Variants in OTUD7A observed in about 807,000 individuals in gnomAD.
OTUD7A encodes OTU domain-containing protein 7A.
OTUD7A carries 12 observed loss-of-function variants against 65.7 expected under a neutral mutation model. The observed-to-expected ratio is 0.18, with a 90% CI of 0.12 to 0.30. OTUD7A has a LOEUF of 0.30. Ranked by LOEUF, OTUD7A falls within the 10% of genes least tolerant of loss-of-function variation. The probability of loss-of-function intolerance (pLI) is 1.00; values close to 1 mark genes in which losing one functional copy is unlikely to be tolerated. For synonymous variants in OTUD7A, 641 were observed against 586.3 expected (o/e 1.09, Z -1.35); for missense variants, 1,148 against 1,304.8 (o/e 0.88, Z 1.85).
At position 31,483,333 on chromosome 15, in the gene OTUD7A, C is replaced by G; in HGVS notation, c.2763G>C (p.Glu921Asp). ...EHYCSYCYRE[E>D]LRRRREARGA... is the part of the protein sequence containing the mutation. The stretch of plus-strand genomic sequence containing the variant: ...CGCGCGCCTCGCGCCGCCGCCGCAG[C>G]TCCTCGCGGTAGCAGTAGGAGCAGT... The change falls in exon 13 of 13, where the codon GAG (glutamate) becomes GAC (aspartate). Residue 921 changes from glutamate to aspartate, a missense_variant. Physicochemically the swap from Glu to Asp is conservative, Grantham distance 45 (BLOSUM62 2). Around this residue, in one of 6 missense-constraint regions of OTUD7A, gnomAD observed 842 missense variants for 769.5 expected, o/e 1.09. Transcript: ENST00000307050. 1 of 1,227,914 alleles carries G rather than the reference C, an allele frequency of 8.1e-7. No individual in the cohort carries two copies. Among genetic ancestry groups the G allele is most frequent in the Non-Finnish European group, 1.0e-6 (1 of 980,366 alleles). The allele number at this position is 1,227,914 out of a possible 1,614,324, so 76.1% of individuals were successfully genotyped here. A position where few individuals can be genotyped will look rare whatever the true frequency, so the allele number is the denominator to read the frequency against.
chr15:31,503,725 C>T lies in OTUD7A; in HGVS notation c.987G>A (p.Val329=), dbSNP rs1043925274. The T allele has an allele frequency of 2.5e-6, 4 of 1,614,054 alleles. No homozygotes were observed. The African/African-American group carries it at 5.3e-5, about 22-fold the overall frequency. The change falls in exon 9 of 13, where the codon GTG becomes GTA. Residue 329 remains valine (V), a synonymous_variant. Coordinates refer to ENST00000307050, the MANE Select transcript of OTUD7A (RefSeq NM_001382637.1). ...CTGAGTCTCTTAACATTGTATCTGCCACAACAACGATGGGCCTTCTTAATA... is the reference window on the plus strand; with the variant it reads ...CTGAGTCTCTTAACATTGTATCTGCTACAACAACGATGGGCCTTCTTAATA... ...AHILRRPIVV[V]ADTMLRDSGG...
chr15:31,507,835 T>C (rs2141090678), intron 8 of OTUD7A, among the ~76,000 whole-genome samples: 1 of 152,338 alleles, frequency 6.6e-6, no homozygotes, highest in African/African-American at 2.4e-5. Flanking sequence ...TTTACAATCC[T>C]CTTGTAAGAC....
chr15:31,823,066 A>G (rs1353752886), intron 1 of OTUD7A, among the ~76,000 whole-genome samples: 1 of 152,252 alleles, frequency 6.6e-6, no homozygotes, highest in Non-Finnish European at 1.5e-5. Flanking sequence ...CTACATGCTG[A>G]AAACTTTGTC....
At chr15:31,555,850 CTTTTTT>C (rs371140342) in intron 5 of OTUD7A, 2 of 95,344 alleles carry the variant, frequency 2.1e-5, no homozygotes, top group African/African-American at 7.5e-5. Context: ...TGTTCTTTTT[CTTTTTT>C]TTTTTTTTGA....
Position 31,484,805 on chromosome 15 carries a change from C to T in OTUD7A, c.1372-81G>A, listed in dbSNP as rs2041211783. 4.0e-6 allele frequency: 6 copies of T among 1,512,824 alleles called. No individual in the cohort carries two copies. The Admixed American group carries it at 1.0e-4, about 25-fold the overall frequency. 93.7% of individuals were successfully genotyped at this position (1,512,824 alleles called of 1,614,324 possible). On this transcript the variant is annotated intron_variant, in intron 12 of 12. Coordinates refer to ENST00000307050, the MANE Select transcript of OTUD7A (RefSeq NM_001382637.1). This position sits in a 1 kb window ranked among gnomAD's most constrained non-coding sequence, Gnocchi z 4.5. ...CCAGCGAGGAAGACACACCTTGCCC[C>T]TGTGTTGCCGAGGCTAGGGCCCTGG... is the stretch of plus-strand genomic sequence containing the variant.
chr15:31,640,020 C>T (rs962982166), intron 3 of OTUD7A, among the ~76,000 whole-genome samples: 2 of 152,114 alleles, frequency 1.3e-5, no homozygotes, highest in African/African-American at 4.8e-5. Flanking sequence ...TAATGAAGTC[C>T]AATTTATTAA....
chr15:31,525,582 A>G (rs1467362002), intron 8 of OTUD7A, among the ~76,000 whole-genome samples: 2 of 152,190 alleles, frequency 1.3e-5, no homozygotes, highest in African/African-American at 2.4e-5. Context: ...AGCTGCATGC[A>G]ATCCTCCTTC....
intron 1 of OTUD7A, among the ~76,000 whole-genome samples, chr15:31,853,883 A>T (rs987813504): frequency 6.6e-6 from 1 of 152,248 alleles, no homozygotes; most frequent in African/African-American, 2.4e-5. Flanking sequence ...AGCAACCAGC[A>T]TGGGAATCAG....
At position 31,482,280 on chromosome 15, in the gene OTUD7A, G is replaced by T. The variant is rs962813376; in HGVS notation, c.*1014C>A. The T allele has an allele frequency of 1.3e-5, 2 of 152,454 alleles. No homozygotes were observed. Among genetic ancestry groups the T allele is most frequent in the African/African-American group, 2.4e-5 (1 of 41,458 alleles). 9.4% of individuals were successfully genotyped at this position (152,454 alleles called of 1,614,324 possible). The stretch of plus-strand genomic sequence containing the variant: ...GCTGAACCCAGACAGATGCAGGTGT[G>T]GGGGTGGGCTTCCTTCCTGGTTCCC... On this transcript the variant is annotated 3_prime_UTR_variant, in exon 13 of 13. Coordinates refer to ENST00000307050, the MANE Select transcript of OTUD7A (RefSeq NM_001382637.1).
At chr15:31,865,670 A>G (rs1897858838) in intron 1 of OTUD7A, among the ~76,000 whole-genome samples, 1 of 152,206 alleles carries the variant, frequency 6.6e-6, no homozygotes, top group African/African-American at 2.4e-5. Context: ...TGCACCACAG[A>G]CAGACGTCTG....
chr15:31,528,734 C>A (rs2042048308), intron 6 of OTUD7A, among the ~76,000 whole-genome samples: 1 of 152,254 alleles, frequency 6.6e-6, no homozygotes, highest in African/African-American at 2.4e-5. Flanking sequence ...TCCAAGATGA[C>A]TGTCATTTCT....
chr15:31,868,498 T>G (rs1271580988), intron 1 of OTUD7A, among the ~76,000 whole-genome samples: 1 of 152,168 alleles, frequency 6.6e-6, no homozygotes, highest in East Asian at 1.9e-4. Flanking sequence ...TAAAGAAGAA[T>G]CTCTGCCACA....
chr15:31,513,497 G>A lies in OTUD7A; in HGVS notation c.894-9679C>T, dbSNP rs113891492. ...ATCAGGTGCTGCATTCAGCGGTGGCGTCTCCTTAGTCTCCTTCACCTGGAA... is the reference window on the plus strand; with the variant it reads ...ATCAGGTGCTGCATTCAGCGGTGGCATCTCCTTAGTCTCCTTCACCTGGAA... On this transcript the variant is annotated intron_variant, in intron 8 of 12. Transcript: ENST00000307050. Among the ~76,000 whole-genome samples the A allele has an allele frequency of 8.7e-4, 132 of 152,306 alleles. 1 individual carries two copies. The South Asian group carries it at 0.011, about 13-fold the overall frequency.
chr15:31,735,861 C>G (rs1411787474), intron 1 of OTUD7A, among the ~76,000 whole-genome samples: 2 of 152,200 alleles, frequency 1.3e-5, no homozygotes, highest in Non-Finnish European at 2.9e-5. Context: ...ACATAAACAT[C>G]ATGGAATACT....
rs189552532 is a variant in OTUD7A at position 31,791,180 on chromosome 15, C to A, written c.-100+79327G>T. 4.9e-4 allele frequency among the ~76,000 whole-genome samples: 75 copies of A among 152,174 alleles called. No individual in the cohort carries two copies. The East Asian group carries it at 0.014, about 29-fold the overall frequency. ...TAGCTGGGACTACAGGTACATGCCA[C>A]CATTCCCAGCTAATTTTTGTATTTT... On this transcript the variant is annotated intron_variant, in intron 1 of 12. Coordinates refer to ENST00000307050, the MANE Select transcript of OTUD7A (RefSeq NM_001382637.1).
chr15:31,639,319 C>T (rs1209483934), intron 3 of OTUD7A, among the ~76,000 whole-genome samples: 1 of 151,082 alleles, frequency 6.6e-6, no homozygotes, highest in East Asian at 1.9e-4. Flanking sequence ...AGAGTCATCT[C>T]TGTTGTTGCA....
Position 31,561,793 on chromosome 15 carries a change from C to A in OTUD7A, c.332-2606G>T, listed in dbSNP as rs1370148118. On this transcript the variant is annotated intron_variant, in intron 4 of 12. Transcript: ENST00000307050. The stretch of plus-strand genomic sequence containing the variant: ...TCACACACACACAGAGTCACACACA[C>A]ACACACACATTCACACACTGATTCT... Among the ~76,000 whole-genome samples the A allele has an allele frequency of 2.0e-5, 3 of 151,896 alleles. No homozygotes were observed. In the East Asian group the frequency reaches 5.8e-4, roughly 29 times the overall value.
chr15:31,694,405 G>C (rs540701219), intron 1 of OTUD7A, among the ~76,000 whole-genome samples: 2,079 of 146,788 alleles, frequency 0.014, 50 homozygotes, highest in African/African-American at 0.05. Flanking sequence ...ATCCCCTCAA[G>C]CCCCCTTCCC....
chr15:31,624,605 A>C (rs557500796), intron 3 of OTUD7A, among the ~76,000 whole-genome samples: 2 of 152,332 alleles, frequency 1.3e-5, no homozygotes, highest in South Asian at 4.1e-4. Flanking sequence ...AAATATTCAT[A>C]ACTGTCCTCT....
Sources: gnomAD v4.1 joint callset for allele counts (sites outside exome capture counted in the v4.1 genomes callset) on GRCh38, gnomAD v4.1.1 for gene constraint, gnomAD v4.1.1 regional missense constraint, Gnocchi (gnomAD v3.1) non-coding constraint, MANE v1.5 for transcripts, NCBI Gene and HGNC (gene_info 2026-07-23, HGNC 2026-07-21) for gene names.